Variants in INO80 observed in about 807,000 individuals in gnomAD.
The protein encoded by INO80 is chromatin-remodeling ATPase INO80.
Under a neutral mutation model 203.4 loss-of-function variants are expected in INO80, and 20 were observed. The ratio of observed to expected loss-of-function variants is 0.10; its 90% CI spans 0.07 to 0.14. The LOEUF (loss-of-function observed/expected upper bound fraction) is 0.14. Among genes scored for constraint, INO80 ranks in the 10% least tolerant of loss-of-function variants. The pLI is 1.00. For missense variants in INO80, 1,419 were observed against 1,914.4 expected (o/e 0.74, Z 4.83); for synonymous variants, 726 against 685.2 (o/e 1.06, Z -0.93).
chr15:41,073,014 C>T (rs1479042118), intron 11 of INO80, among the ~76,000 whole-genome samples: 4 of 152,048 alleles, frequency 2.6e-5, no homozygotes, highest in East Asian at 3.9e-4. Flanking sequence ...CTCCTGACCT[C>T]GTGATCCACC....
intron 6 of INO80, among the ~76,000 whole-genome samples, chr15:41,086,935 AT>A (rs1431378636): frequency 6.6e-6 from 1 of 152,172 alleles, no homozygotes; most frequent in Non-Finnish European, 1.5e-5. Context: ...ATCCCAGAAC[AT>A]TTGCAATATT....
chr15:41,018,237 T>C (rs550140385), intron 26 of INO80: 11 of 152,332 alleles, frequency 7.2e-5, no homozygotes, highest in African/African-American at 2.6e-4. Context: ...TATACTCTCT[T>C]AGCACAAATG....
chr15:41,084,212 A>C (rs76344520), intron 7 of INO80, among the ~76,000 whole-genome samples: 1 of 152,056 alleles, frequency 6.6e-6, no homozygotes, highest in East Asian at 1.9e-4. Flanking sequence ...AAAAAAAAAA[A>C]ACGCTACATA....
chr15:40,987,013 C>T (rs1197562275), intron 31 of INO80, 78 bp downstream of exon 31: 2 of 778,284 alleles, frequency 2.6e-6, no homozygotes, highest in East Asian at 2.6e-5. Context: ...CTGGCTTTGC[C>T]TACCCTTGGC....
intron 8 of INO80, among the ~76,000 whole-genome samples, 179 bp downstream of exon 8, chr15:41,080,841 T>A (rs1172757778): frequency 6.6e-6 from 1 of 152,088 alleles, no homozygotes; most frequent in Non-Finnish European, 1.5e-5. Context: ...TGGCTGAGAC[T>A]CTGTCTCAAA....
chr15:41,101,327 A>G lies in INO80; in HGVS notation c.-43-4974T>C, dbSNP rs1458322471. Reference sequence around the variant, plus strand: ...TTCAGCAAAACACTTGATAATTCTCAATAACCCTTTTACCCACCTTCTACC... The same window carrying G: ...TTCAGCAAAACACTTGATAATTCTCGATAACCCTTTTACCCACCTTCTACC... On this transcript the variant is annotated intron_variant, in intron 1 of 35. Transcript: ENST00000648947. Among the ~76,000 whole-genome samples, 4 of 152,224 alleles carry G rather than the reference A, an allele frequency of 2.6e-5. No individual in the cohort carries two copies. The South Asian group carries it at 8.3e-4, about 32-fold the overall frequency.
intron 6 of INO80, among the ~76,000 whole-genome samples, chr15:41,085,862 C>A (rs1310250542): frequency 2.6e-5 from 4 of 152,130 alleles, no homozygotes; most frequent in African/African-American, 9.7e-5. Context: ...AACCAAATTT[C>A]TTTTATTTTT....
rs552963574 is a variant in INO80 at position 40,979,817 on chromosome 15, T to C, written c.*406A>G. On this transcript the variant is annotated 3_prime_UTR_variant, in exon 36 of 36. Coordinates refer to ENST00000648947, the MANE Select transcript of INO80 (RefSeq NM_017553.3). ...TGAGAAATCACACTCTTAAGAGAAA[T>C]CTCTACCATGGAAGGCTCTTCACAG... 7 of 219,446 alleles carry C rather than the reference T, an allele frequency of 3.2e-5. 1 individual carries two copies. In the South Asian group the frequency reaches 5.2e-4, roughly 16 times the overall value. 13.6% of individuals were successfully genotyped at this position (219,446 alleles called of 1,614,324 possible). A position where few individuals can be genotyped will look rare whatever the true frequency, so the allele number is the denominator to read the frequency against.
Position 41,003,504 on chromosome 15 carries a change from A to AT in INO80, c.3497+2088dup, listed in dbSNP as rs2043994828. Among the ~76,000 whole-genome samples, 3 of 151,356 alleles carry AT rather than the reference A, an allele frequency of 2.0e-5. No individual in the cohort carries two copies. The South Asian group carries it at 6.3e-4, about 32-fold the overall frequency. ...ACCACCACGCCCAGCTAATTTTTGT[A>AT]TTTTTAGTAGAGACGGGGTTTCACC... is the stretch of plus-strand genomic sequence containing the variant. On this transcript the variant is annotated intron_variant, in intron 28 of 35. Transcript: ENST00000648947.
At chr15:41,004,601 G>C (rs993888065) in intron 28 of INO80, 8 of 152,130 alleles carry the variant, frequency 5.3e-5, no homozygotes, top group Admixed American at 5.2e-4. Flanking sequence ...TTTCTCCTTG[G>C]AGAAAGCAGT....
chr15:41,098,592 T>G (rs143421533), intron 1 of INO80, among the ~76,000 whole-genome samples: 202 of 152,162 alleles, frequency 1.3e-3, no homozygotes, highest in African/African-American at 4.6e-3. Context: ...GAGGATCACT[T>G]ACAGCCCAGG....
intron 6 of INO80, 126 bp from the exon 7 acceptor site, chr15:41,085,709 T>C: frequency 1.5e-6 from 1 of 676,602 alleles, no homozygotes; most frequent in East Asian, 2.7e-5. Context: ...TATCCCTTTA[T>C]CTACTCAGAC....
intron 9 of INO80, among the ~76,000 whole-genome samples, chr15:41,077,041 A>G (rs2045414051): frequency 6.6e-6 from 1 of 151,912 alleles, no homozygotes; most frequent in African/African-American, 2.4e-5. Context: ...CCGAGTAGCT[A>G]GGACTACAGG....
At position 41,073,458 on chromosome 15, in the gene INO80, A is replaced by G. The variant is rs1307210989; in HGVS notation, c.1365T>C (p.Ala455=). 6.2e-7 allele frequency: 1 copy of G among 1,614,146 alleles called. No homozygotes were observed. Residue 455 remains alanine (A), a synonymous_variant, in exon 11 of 36, where the codon GCT becomes GCC. Coordinates refer to ENST00000648947, the MANE Select transcript of INO80 (RefSeq NM_017553.3). ...CTTGGTGAATATGGTAAGCATTTTCAGCATTCTTCAGGGCCTGGGCTTTAA... is the reference window on the plus strand; with the variant it reads ...CTTGGTGAATATGGTAAGCATTTTCGGCATTCTTCAGGGCCTGGGCTTTAA... ...NHFKAQALKN[A]ENAYHIHQAR...
intron 23 of INO80, among the ~76,000 whole-genome samples, chr15:41,046,206 CATATATATATATATATATATATATAT>C (rs1160486459): frequency 1.4e-4 from 2 of 14,426 alleles, no homozygotes; most frequent in African/African-American, 4.5e-4. Context: ...CGTATACATA[CATATATATATATATATATATATATAT>C]ATATATATAT....
intron 16 of INO80, 114 bp downstream of exon 16, chr15:41,058,525 T>C (rs1018594163): frequency 1.0e-6 from 1 of 962,160 alleles, no homozygotes; most frequent in Middle Eastern, 3.1e-4. Flanking sequence ...ACTTCTCATA[T>C]CTTGATTTTA....
Position 41,071,862 on chromosome 15 carries a change from T to C in INO80, c.1592A>G (p.Asn531Ser). 1.2e-6 allele frequency: 2 copies of C among 1,613,612 alleles called. No individual in the cohort carries two copies. The highest frequency in any genetic ancestry group is 1.7e-6 in the Non-Finnish European group (2 of 1,179,580). ...YQLKGMNWLANLYEQGINGIL... is the reference protein window; with the variant it reads ...YQLKGMNWLASLYEQGINGIL... ...TCTAAAATTCACCTGTTCATATAGATTGGCCAACCAATTCATGCCTTTCAG... is the reference window on the plus strand; with the variant it reads ...TCTAAAATTCACCTGTTCATATAGACTGGCCAACCAATTCATGCCTTTCAG... Residue 531 changes from asparagine to serine, a missense_variant, in exon 12 of 36, where the codon AAT becomes AGT. Physicochemically the swap from Asn to Ser is conservative, Grantham distance 46. Transcript: ENST00000648947.
chr15:40,996,115 C>T (rs185305465), intron 29 of INO80, among the ~76,000 whole-genome samples: 24 of 152,316 alleles, frequency 1.6e-4, no homozygotes, highest in Admixed American at 1.6e-3. Flanking sequence ...CATTTCTCCA[C>T]TACCCTCATG....
chr15:41,052,857 C>CAAAAA (rs886971015), intron 19 of INO80, among the ~76,000 whole-genome samples: 8 of 93,552 alleles, frequency 8.6e-5, no homozygotes, highest in African/African-American at 2.4e-4. Context: ...CTGGTCGCTA[C>CAAAAA]AAAAAAAAAA....
Sources: gnomAD v4.1 joint callset for allele counts (sites outside exome capture counted in the v4.1 genomes callset) on GRCh38, gnomAD v4.1.1 for gene constraint, MANE v1.5 for transcripts, NCBI Gene and HGNC (gene_info 2026-07-23, HGNC 2026-07-21) for gene names.